The following RARB variants were observed in gnomAD, a reference collection of about 807,000 sequenced individuals.
RARB encodes the protein retinoic acid receptor beta, also known as HBV-activated protein.
RARB carries 17 observed loss-of-function variants against 51.9 expected under a neutral mutation model. That is an observed-to-expected ratio of 0.33 (90% confidence interval 0.22 to 0.49). The LOEUF (loss-of-function observed/expected upper bound fraction) is 0.49. Ranked by LOEUF, RARB falls within the 20% of genes least tolerant of loss-of-function variation. RARB has a pLI of 0.99. For missense variants in RARB, 369 were observed against 550.8 expected, an observed-to-expected ratio of 0.67 and a Z score of 3.30; for synonymous variants, 215 against 195.4, an observed-to-expected ratio of 1.10 and a Z score of -0.84.
Position 25,108,386 on chromosome 3 carries a change from A to G in RARB, c.-327-23775A>G, listed in dbSNP as rs73047716. Among the ~76,000 whole-genome samples the G allele has an allele frequency of 7.9e-3, 1,203 of 152,330 alleles. 4 individuals carry two copies. The highest frequency in any genetic ancestry group is 0.024 in the Middle Eastern group (7 of 294). On this transcript the variant is annotated intron_variant, in intron 3 of 11. Coordinates refer to the RARB transcript ENST00000383772. ...AGGTCACCAGGTAGTTATCTTTCAA[A>G]GGATGATTCAGCTATCCGGGCTTTT...
chr3:25,291,108 G>A (rs938799563), intron 5 of RARB, among the ~76,000 whole-genome samples: 3 of 152,110 alleles, frequency 2.0e-5, no homozygotes, highest in Admixed American at 6.6e-5. Flanking sequence ...AAAATATAGA[G>A]TTGAGGCAAA....
intron 2 of RARB, among the ~76,000 whole-genome samples, chr3:24,947,093 G>A (rs1695792443): frequency 6.6e-6 from 1 of 152,172 alleles, no homozygotes; most frequent in South Asian, 2.1e-4. Flanking sequence ...ACTAAATGGG[G>A]AGAAGCATAT....
intron 3 of RARB, among the ~76,000 whole-genome samples, chr3:25,069,711 G>A (rs1347538584): frequency 2.6e-5 from 4 of 152,230 alleles, no homozygotes; most frequent in Admixed American, 2.0e-4. Flanking sequence ...AAGCGGAGGG[G>A]GAGGCAGGGA....
chr3:25,104,410 G>C (rs1433941138), intron 3 of RARB, among the ~76,000 whole-genome samples: 1 of 152,142 alleles, frequency 6.6e-6, no homozygotes, highest in East Asian at 1.9e-4. Context: ...TGGAGGGAGA[G>C]CGGTGCAGAT....
chr3:25,015,740 G>A (rs1214204606), intron 2 of RARB, among the ~76,000 whole-genome samples: 1 of 152,162 alleles, frequency 6.6e-6, no homozygotes, highest in African/African-American at 2.4e-5. Flanking sequence ...CAGACAGGAA[G>A]TAGATTTAGT....
At chr3:25,070,394 A>G (rs1336938844) in intron 3 of RARB, among the ~76,000 whole-genome samples, 1 of 152,118 alleles carries the variant, frequency 6.6e-6, no homozygotes, top group African/African-American at 2.4e-5. Context: ...AACTGTGACT[A>G]TTAGCGATAT....
At chr3:24,966,606 A>ATCTCTCTCTCTCTCTCTC (rs55848511) in intron 2 of RARB, among the ~76,000 whole-genome samples, 22 of 140,338 alleles carry the variant, frequency 1.6e-4, no homozygotes, top group East Asian at 8.6e-4. Flanking sequence ...GTTTACATTC[A>ATCTCTCTCTCTCTCTCTC]TCTCTCTCTC....
intron 1 of RARB, among the ~76,000 whole-genome samples, chr3:25,453,881 G>A (rs1204664911): frequency 1.3e-5 from 2 of 152,096 alleles, no homozygotes; most frequent in Non-Finnish European, 2.9e-5. Context: ...CCCCAAACCC[G>A]GGACTAATCT....
At chr3:25,379,286 C>T (rs1368649273) in intron 5 of RARB, among the ~76,000 whole-genome samples, 1 of 152,076 alleles carries the variant, frequency 6.6e-6, no homozygotes, top group African/African-American at 2.4e-5. Context: ...GGGTTTTTCT[C>T]AGGAGCTAGA....
chr3:25,283,963 T>G (rs1167214295), intron 5 of RARB, among the ~76,000 whole-genome samples: 2 of 152,184 alleles, frequency 1.3e-5, no homozygotes, highest in Non-Finnish European at 2.9e-5. Context: ...TCCTAACAAA[T>G]AGCATAAGGC....
chr3:25,520,556 CTT>C (rs1184336939), intron 3 of RARB, among the ~76,000 whole-genome samples: 1 of 152,102 alleles, frequency 6.6e-6, no homozygotes, highest in Admixed American at 6.5e-5. Flanking sequence ...ACTGATAACT[CTT>C]TTTTTAGATA....
At position 24,931,391 on chromosome 3, in the gene RARB, T is replaced by G. The variant is rs1188946525; in HGVS notation, c.-380+72639T>G. 2.0e-5 allele frequency among the ~76,000 whole-genome samples: 3 copies of G among 152,076 alleles called. No homozygotes were observed. In the East Asian group the frequency reaches 5.8e-4, roughly 29 times the overall value. On this transcript the variant is annotated intron_variant, in intron 2 of 11. Coordinates refer to the RARB transcript ENST00000383772. ...GGCCCTATTTCCTACCTTATTTCTC[T>G]GTACTTCCCCTTTAGCTAGGGTACA...
At chr3:25,590,807 T>TA (rs1218039795) in intron 5 of RARB, among the ~76,000 whole-genome samples, 1 of 152,232 alleles carries the variant, frequency 6.6e-6, no homozygotes, top group African/African-American at 2.4e-5. Context: ...TGTCACTTGA[T>TA]AACTCCCTGC....
intron 3 of RARB, among the ~76,000 whole-genome samples, chr3:25,531,495 AT>A (rs1337361810): frequency 4.6e-5 from 7 of 152,096 alleles, no homozygotes; most frequent in African/African-American, 1.7e-4. Flanking sequence ...ATCTCAAATT[AT>A]TAAAGTCTTC....
chr3:24,966,642 CTCTG>C (rs1012590629), intron 2 of RARB, among the ~76,000 whole-genome samples: 6 of 146,070 alleles, frequency 4.1e-5, no homozygotes, highest in Non-Finnish European at 9.0e-5. Context: ...CTCTCTCTCT[CTCTG>C]AAGTCTCTAA....
At chr3:25,332,403 A>G (rs934429482) in intron 5 of RARB, among the ~76,000 whole-genome samples, 2 of 152,250 alleles carry the variant, frequency 1.3e-5, no homozygotes, top group African/African-American at 4.8e-5. Flanking sequence ...TCCAGCATAT[A>G]AACAGAACCA....
intron 2 of RARB, among the ~76,000 whole-genome samples, chr3:25,056,224 T>A (rs1325786782): frequency 2.0e-5 from 3 of 152,046 alleles, no homozygotes; most frequent in Admixed American, 1.3e-4. Context: ...GGTAGCCATC[T>A]CAGCTGCCTT....
intron 5 of RARB, among the ~76,000 whole-genome samples, chr3:25,286,524 C>T (rs1490427448): frequency 1.3e-5 from 2 of 152,210 alleles, no homozygotes; most frequent in Admixed American, 6.5e-5. Flanking sequence ...GTGTCCTATA[C>T]AACATTGTTG....
At chr3:24,979,098 T>G (rs1365357704) in intron 2 of RARB, among the ~76,000 whole-genome samples, 1 of 152,242 alleles carries the variant, frequency 6.6e-6, no homozygotes, top group Non-Finnish European at 1.5e-5. Flanking sequence ...CTAATTTGAT[T>G]GCACTGTGGT....
Sources: allele counts gnomAD v4.1 joint callset (sites outside exome capture counted in the v4.1 genomes callset), GRCh38; gene constraint gnomAD v4.1.1; transcripts MANE v1.5; gene names NCBI Gene and HGNC (gene_info 2026-07-23, HGNC 2026-07-21).